AGO1: variants seen among roughly 807,000 people sequenced by gnomAD.
The protein encoded by AGO1 is argonaute RISC component 1.
AGO1 carries 11 observed loss-of-function variants against 109.2 expected under a neutral mutation model. The ratio of observed to expected loss-of-function variants is 0.10; its 90% CI spans 0.06 to 0.17. The LOEUF (loss-of-function observed/expected upper bound fraction) is 0.17. Among genes scored for constraint, AGO1 ranks in the 10% least tolerant of loss-of-function variants. The pLI is 1.00. For missense variants in AGO1, 574 were observed against 1,140.3 expected (o/e 0.50, Z 7.15); for synonymous variants, 422 against 418.6 (o/e 1.01, Z -0.10).
At chr1:35,875,232 A>T (rs1009421305) in intron 1 of AGO1, among the ~76,000 whole-genome samples, 4 of 152,170 alleles carry the variant, frequency 2.6e-5, no homozygotes, top group African/African-American at 4.8e-5. Context: ...GCACAGGCTA[A>T]CTCTTTTATT....
intron 1 of AGO1, among the ~76,000 whole-genome samples, chr1:35,870,631 A>G (rs1644942244): frequency 6.6e-6 from 1 of 152,140 alleles, no homozygotes; most frequent in Non-Finnish European, 1.5e-5. Context: ...ATTATCCACC[A>G]TTCATTTTAT....
rs539421866 is a variant in AGO1 at position 35,876,495 on chromosome 1, A to T, written c.-201+6592A>T. Among the ~76,000 whole-genome samples the T allele has an allele frequency of 5.4e-3, 824 of 152,076 alleles. 3 individuals carry two copies. Among genetic ancestry groups the T allele is most frequent in the Non-Finnish European group, 9.5e-3 (645 of 67,974 alleles). On this transcript the variant is annotated intron_variant, in intron 1 of 18. Transcript: ENST00000373206. ...GTTAGCCAGGATGGTCTTGATCTCCAGACTTCGTGATCCGCCCACCTCGGC... is the reference window on the plus strand; with the variant it reads ...GTTAGCCAGGATGGTCTTGATCTCCTGACTTCGTGATCCGCCCACCTCGGC...
intron 8 of AGO1, among the ~76,000 whole-genome samples, chr1:35,900,722 C>A (rs1444232219): frequency 6.6e-6 from 1 of 151,710 alleles, no homozygotes; most frequent in Non-Finnish European, 1.5e-5. Context: ...AGCAAAACTC[C>A]CTCTCAAAAA....
chr1:35,906,357 G>T (rs558913519), intron 11 of AGO1, among the ~76,000 whole-genome samples: 1 of 152,170 alleles, frequency 6.6e-6, no homozygotes, highest in African/African-American at 2.4e-5. Context: ...CTGCTTGAGC[G>T]GGGCAAGGTG....
At chr1:35,912,124 G>A (rs536010484) in intron 12 of AGO1, among the ~76,000 whole-genome samples, 176 of 152,082 alleles carry the variant, frequency 1.2e-3, no homozygotes, top group Non-Finnish European at 1.7e-3. Context: ...TTGGGAGGCC[G>A]AGGCAGGCGG....
intron 5 of AGO1, 33 bp from the exon 6 acceptor site, chr1:35,894,004 C>G (rs372574687): frequency 2.0e-6 from 3 of 1,524,494 alleles, no homozygotes; most frequent in Non-Finnish European, 1.8e-6. Context: ...AAGACAGAAC[C>G]TGAGCTGAGC....
chr1:35,879,066 A>G (rs1645014341), upstream of AGO1, among the ~76,000 whole-genome samples: 1 of 152,192 alleles, frequency 6.6e-6, no homozygotes, highest in African/African-American at 2.4e-5. Context: ...ATGGACTGAG[A>G]TGCAAGGATG....
intron 8 of AGO1, among the ~76,000 whole-genome samples, chr1:35,900,123 C>T (rs1645387925): frequency 1.3e-5 from 2 of 152,198 alleles, no homozygotes; most frequent in Admixed American, 1.3e-4. Flanking sequence ...ATGTTTCTCA[C>T]ACCAGCAGAG....
intron 15 of AGO1, 59 bp downstream of exon 15, chr1:35,915,601 C>A: frequency 6.7e-7 from 1 of 1,491,312 alleles, no homozygotes. Flanking sequence ...CTAGGTGCTA[C>A]TACCTTTTCT....
At chr1:35,908,314 C>G (rs1215618549) in intron 12 of AGO1, among the ~76,000 whole-genome samples, 1 of 152,192 alleles carries the variant, frequency 6.6e-6, no homozygotes, top group East Asian at 1.9e-4. Context: ...TTTGTCATTA[C>G]CAGGAATCCT....
chr1:35,917,555 G>GTA lies in AGO1; in HGVS notation c.2029-36_2029-35dup, dbSNP rs573727096. On this transcript the variant is annotated intron_variant, in intron 15 of 18. Coordinates refer to ENST00000373204, the MANE Select transcript of AGO1 (RefSeq NM_012199.5). Reference sequence around the variant, plus strand: ...GGTATGTGAACTCAAGAGGAACTGTGTATTTCTTTGTTTCCCTCCCCATTT... The same window carrying GTA: ...GGTATGTGAACTCAAGAGGAACTGTGTATATTTCTTTGTTTCCCTCCCCATTT... 3.0e-4 allele frequency: 478 copies of GTA among 1,599,006 alleles called. 1 individual carries two copies. The highest frequency in any genetic ancestry group is 3.2e-4 in the Non-Finnish European group (371 of 1,168,692).
chr1:35,886,480 C>T (rs1456079358), intron 1 of AGO1, among the ~76,000 whole-genome samples: 2 of 152,042 alleles, frequency 1.3e-5, no homozygotes, highest in African/African-American at 2.4e-5. Context: ...GGTATGTAGT[C>T]GGGTTTCTGG....
At chr1:35,876,926 T>C (rs1010645205) in intron 1 of AGO1, among the ~76,000 whole-genome samples, 1 of 152,170 alleles carries the variant, frequency 6.6e-6, no homozygotes, top group Non-Finnish European at 1.5e-5. Context: ...TAGTTGGGAC[T>C]GCAGGCATGC....
At chr1:35,870,164 T>A (rs1393866540) in intron 1 of AGO1, among the ~76,000 whole-genome samples, 1 of 151,802 alleles carries the variant, frequency 6.6e-6, no homozygotes, top group Admixed American at 6.6e-5. Flanking sequence ...TGGCTGGGAG[T>A]CCATATGTTT....
At chr1:35,898,055 G>A (rs537589912) in intron 8 of AGO1, among the ~76,000 whole-genome samples, 11 of 152,130 alleles carry the variant, frequency 7.2e-5, no homozygotes, top group Middle Eastern at 6.8e-3. Context: ...ATGTTTTCAA[G>A]GTTTATCCTC....
Position 35,883,263 on chromosome 1 carries a change from G to T in AGO1, c.-159G>T, listed in dbSNP as rs1237075493. On this transcript the variant is annotated 5_prime_UTR_variant, in exon 1 of 19. Coordinates refer to ENST00000373204, the MANE Select transcript of AGO1 (RefSeq NM_012199.5). This position sits in a 1 kb window ranked among gnomAD's most constrained non-coding sequence, Gnocchi z 5.4. ...GAGCTGCTGCAGGCTCCGCGGCGGC[G>T]GCAACGGAGGCTGCGGGGGCGGCGG... 11 of 1,361,778 alleles carry T rather than the reference G, an allele frequency of 8.1e-6. No individual in the cohort carries two copies. Among genetic ancestry groups the T allele is most frequent in the Non-Finnish European group, 1.0e-5 (11 of 1,056,348 alleles). The allele number at this position is 1,361,778 out of a possible 1,614,324, so 84.4% of individuals were successfully genotyped here. A position where few individuals can be genotyped will look rare whatever the true frequency, so the allele number is the denominator to read the frequency against.
chr1:35,914,368 T>A, intron 14 of AGO1, 94 bp downstream of exon 14: 1 of 987,408 alleles, frequency 1.0e-6, no homozygotes, highest in Non-Finnish European at 1.6e-6. Flanking sequence ...CTCTGGCTCT[T>A]GAGCCTTCAT....
Position 35,893,484 on chromosome 1 carries a change from C to G in AGO1, c.513-190C>G. The G allele has an allele frequency of 3.8e-6, 3 of 797,544 alleles. No homozygotes were observed. The highest frequency in any genetic ancestry group is 5.8e-6 in the Non-Finnish European group (3 of 518,682). The allele number at this position is 797,544 out of a possible 1,614,324, so 49.4% of individuals were successfully genotyped here. A position where few individuals can be genotyped will look rare whatever the true frequency, so the allele number is the denominator to read the frequency against. ...TTCTTAGATATCTTTGGGCCTCATC[C>G]CATCTGTCCCTGCAGGGCAGAGAGA... is the stretch of plus-strand genomic sequence containing the variant. On this transcript the variant is annotated intron_variant, in intron 4 of 18. Transcript: ENST00000373204. The surrounding 1 kb of genome is among the most constrained non-coding windows in gnomAD (Gnocchi z 5.6).
chr1:35,904,658 G>A (rs1225164294), intron 11 of AGO1, among the ~76,000 whole-genome samples: 2 of 152,142 alleles, frequency 1.3e-5, no homozygotes, highest in Admixed American at 6.6e-5. Flanking sequence ...AGTTGTAAGG[G>A]GTAAGAATGT....
Sources: gnomAD v4.1 joint callset for allele counts (sites outside exome capture counted in the v4.1 genomes callset) on GRCh38, gnomAD v4.1.1 for gene constraint, Gnocchi (gnomAD v3.1) non-coding constraint, MANE v1.5 for transcripts, NCBI Gene and HGNC (gene_info 2026-07-23, HGNC 2026-07-21) for gene names.